The following HLTF variants were observed in gnomAD, a reference collection of about 807,000 sequenced individuals.
HLTF encodes the protein DNA-dependent ATPase/E3 ubiquitin-protein ligase HLTF.
In HLTF, 127 loss-of-function variants were observed where a neutral mutation model predicts 129.4. That is an observed-to-expected ratio of 0.98 (90% CI 0.85 to 1.14). HLTF has a LOEUF of 1.14. HLTF is among the 50% of genes most tolerant of loss of function. The pLI, the probability that HLTF is intolerant of heterozygous loss-of-function variation, is 0.00. For synonymous variants in HLTF, 332 were observed against 388.8 expected (o/e 0.85, Z 1.72); for missense variants, 1,139 against 1,187.1 (o/e 0.96, Z 0.60).
intron 18 of HLTF, among the ~76,000 whole-genome samples, chr3:149,043,558 A>AC (rs1397428344): frequency 4.2e-4 from 63 of 150,738 alleles, no homozygotes; most frequent in Admixed American, 7.9e-4. Flanking sequence ...AAAAAAAAAA[A>AC]AAAAAAAAAA....
At chr3:149,049,253 G>A (rs1391730923) in intron 15 of HLTF, among the ~76,000 whole-genome samples, 1 of 152,094 alleles carries the variant, frequency 6.6e-6, no homozygotes, top group African/African-American at 2.4e-5. Flanking sequence ...CACCACAGGT[G>A]GCAGAACTAG....
At chr3:149,042,348 C>A in intron 18 of HLTF, 58 bp from the exon 19 acceptor site, 1 of 1,407,324 alleles carries the variant, frequency 7.1e-7, no homozygotes. Flanking sequence ...ACTTCCTATT[C>A]TAAAACAGCA....
At chr3:149,065,156 G>A (rs10513349) in intron 8 of HLTF, among the ~76,000 whole-genome samples, 45,302 of 151,742 alleles carry the variant, frequency 0.3, 7,489 homozygotes, top group Middle Eastern at 0.46. Context: ...ACACATTATT[G>A]TGAGAAAAAT....
rs202233141 is a variant in HLTF, at chr3:149,062,581, T to C, written c.1160+850A>G. Among the ~76,000 whole-genome samples the C allele has an allele frequency of 2.6e-5, 4 of 152,332 alleles. No homozygotes were observed. In the East Asian group the frequency reaches 5.8e-4, roughly 22 times the overall value. Reference sequence around the variant, plus strand: ...ACCTACTTCAGAAGATAAATGAAGTTTGTAAAGTTAACAGATTCAAGACAA... The same window carrying C: ...ACCTACTTCAGAAGATAAATGAAGTCTGTAAAGTTAACAGATTCAAGACAA... On this transcript the variant is annotated intron_variant, in intron 10 of 24. Coordinates refer to ENST00000310053, the MANE Select transcript of HLTF (RefSeq NM_003071.4).
At chr3:149,054,315 TA>T (rs1173318873) in intron 14 of HLTF, among the ~76,000 whole-genome samples, 1 of 151,982 alleles carries the variant, frequency 6.6e-6, no homozygotes, top group East Asian at 1.9e-4. Context: ...GAATGTATTT[TA>T]AAATGAAAAA....
At chr3:149,078,849 T>G (rs1238251399) in intron 2 of HLTF, among the ~76,000 whole-genome samples, 2 of 135,528 alleles carry the variant, frequency 1.5e-5, no homozygotes, top group Non-Finnish European at 3.1e-5. Flanking sequence ...AAAGCAAGAC[T>G]CCGTCTCAAA....
chr3:149,035,434 T>C (rs1265182611), intron 23 of HLTF, among the ~76,000 whole-genome samples: 2 of 151,922 alleles, frequency 1.3e-5, no homozygotes, highest in African/African-American at 4.8e-5. Flanking sequence ...CCTCTGTTCA[T>C]GAAATAAAAG....
chr3:149,049,341 ACAT>A (rs1377565436), intron 15 of HLTF, among the ~76,000 whole-genome samples: 1 of 152,210 alleles, frequency 6.6e-6, no homozygotes, highest in Non-Finnish European at 1.5e-5. Flanking sequence ...TCGGATTAAA[ACAT>A]AGCAATGATA....
chr3:149,071,285 G>A lies in HLTF; in HGVS notation c.861C>T (p.Val287=). The stretch of plus-strand genomic sequence containing the variant: ...TATCATCAGCTAAAATTCCTCCATG[G>A]ACATTTTCTGGTCGGTCCTTCTCAG... ...NFSEKDRPEN[V]HGGILADDMG... is the part of the protein sequence containing the mutation. Residue 287 remains valine, a synonymous_variant, in exon 7 of 25, where the codon GTC becomes GTT. Transcript: ENST00000310053. The A allele has an allele frequency of 1.3e-6, 2 of 1,599,178 alleles. No individual in the cohort carries two copies. The highest frequency in any genetic ancestry group is 1.7e-6 in the Non-Finnish European group (2 of 1,173,170).
intron 8 of HLTF, among the ~76,000 whole-genome samples, chr3:149,067,806 G>C (rs1339281041): frequency 6.6e-6 from 1 of 152,116 alleles, no homozygotes; most frequent in African/African-American, 2.4e-5. Flanking sequence ...ATTGTTCAAA[G>C]ATTATAAACA....
At chr3:149,033,093 C>T (rs1489179385) in intron 24 of HLTF, among the ~76,000 whole-genome samples, 1 of 151,618 alleles carries the variant, frequency 6.6e-6, no homozygotes, top group Non-Finnish European at 1.5e-5. Context: ...TTTTAAAATA[C>T]CCCAACTAGG....
At chr3:149,079,953 ATTAAG>A (rs1220012759) in intron 2 of HLTF, among the ~76,000 whole-genome samples, 3 of 152,184 alleles carry the variant, frequency 2.0e-5, no homozygotes, top group Non-Finnish European at 4.4e-5. Flanking sequence ...GTTCTTATAA[ATTAAG>A]TTGTTAATTG....
intron 3 of HLTF, 99 bp downstream of exon 3, chr3:149,075,781 AT>A: frequency 1.5e-6 from 1 of 654,940 alleles, no homozygotes; most frequent in Non-Finnish European, 2.5e-6. Flanking sequence ...AGTGATAGAA[AT>A]TGTTAGCATA....
intron 3 of HLTF, among the ~76,000 whole-genome samples, chr3:149,074,583 A>C (rs1719177810): frequency 6.6e-6 from 1 of 152,230 alleles, no homozygotes; most frequent in Non-Finnish European, 1.5e-5. Context: ...GGAATAAAGC[A>C]GTTTTAAAAA....
At chr3:149,075,225 A>T (rs537378284) in intron 3 of HLTF, among the ~76,000 whole-genome samples, 1 of 152,378 alleles carries the variant, frequency 6.6e-6, no homozygotes, top group Admixed American at 6.5e-5. Context: ...ATCATATCAC[A>T]GAATACCAGT....
intron 23 of HLTF, among the ~76,000 whole-genome samples, chr3:149,038,626 C>T (rs1715851603): frequency 6.6e-6 from 1 of 152,150 alleles, no homozygotes; most frequent in Non-Finnish European, 1.5e-5. Flanking sequence ...TCCGACTTAG[C>T]CCTGCAAGTA....
At chr3:149,048,236 G>T in intron 16 of HLTF, 73 bp from the exon 17 acceptor site, 1 of 1,239,750 alleles carries the variant, frequency 8.1e-7, no homozygotes. Context: ...GGCCCAATCA[G>T]AGAAGACAAC....
At chr3:149,032,973 A>AC (rs971377861) in intron 24 of HLTF, among the ~76,000 whole-genome samples, 6 of 143,992 alleles carry the variant, frequency 4.2e-5, no homozygotes, top group African/African-American at 1.3e-4. Context: ...AAAAAAAAAA[A>AC]AAAACAAAAA....
In HLTF at chr3:149,040,045, T is replaced by C. The variant is rs1476089988; in HGVS notation, c.2488A>G (p.Thr830Ala). The C allele has an allele frequency of 6.2e-7, 1 of 1,610,996 alleles. No homozygotes were observed. The highest frequency in any genetic ancestry group is 1.1e-5 in the South Asian group (1 of 90,608). Residue 830 changes from threonine (T) to alanine (A), a missense_variant, in exon 21 of 25, where the codon ACA becomes GCA. Coordinates refer to ENST00000310053, the MANE Select transcript of HLTF (RefSeq NM_003071.4). ...DSEKKSDMEW[T>A]SSSKINALMH... ...GAGTACTTTACCTTTGAACTGGATG[T>C]CCATTCCATATCAGACTTTTTCTCA...
Sources: gnomAD v4.1 joint callset for allele counts (sites outside exome capture counted in the v4.1 genomes callset) on GRCh38, gnomAD v4.1.1 for gene constraint, MANE v1.5 for transcripts, NCBI Gene and HGNC (gene_info 2026-07-23, HGNC 2026-07-21) for gene names.